Variants in MCCC1 observed in about 807,000 individuals in gnomAD.
MCCC1 encodes the protein methylcrotonyl-CoA carboxylase subunit 1.
In MCCC1, 64 loss-of-function variants were observed where a neutral mutation model predicts 83.8. The ratio of observed to expected loss-of-function variants is 0.76; its 90% CI spans 0.62 to 0.94. The LOEUF is 0.94. Ranked by LOEUF, MCCC1 falls within the 40% of genes least tolerant of loss-of-function variation. The pLI, the probability that MCCC1 is intolerant of heterozygous loss-of-function variation, is 0.00. For missense variants in MCCC1, 807 were observed against 904.7 expected (o/e 0.89, Z 1.39); for synonymous variants, 322 against 315.4 (o/e 1.02, Z -0.22).
At chr3:183,080,377 A>G (rs773029345) in intron 4 of MCCC1, among the ~76,000 whole-genome samples, 4 of 152,132 alleles carry the variant, frequency 2.6e-5, no homozygotes, top group Non-Finnish European at 5.9e-5. Context: ...AGGTCCACAA[A>G]TCTCTACAGC....
chr3:183,078,981 T>G (rs1230043615), intron 4 of MCCC1, among the ~76,000 whole-genome samples: 1 of 152,200 alleles, frequency 6.6e-6, no homozygotes, highest in Non-Finnish European at 1.5e-5. Flanking sequence ...TGAGACTCAT[T>G]CATGACCATG....
chr3:183,109,579 C>T (rs1214194880), intron 1 of MCCC1, among the ~76,000 whole-genome samples: 7 of 152,174 alleles, frequency 4.6e-5, no homozygotes, highest in Admixed American at 4.6e-4. Context: ...CTGCAAAGGA[C>T]ATGATTTCTT....
intron 4 of MCCC1, among the ~76,000 whole-genome samples, chr3:183,077,179 A>G (rs927180540): frequency 1.3e-5 from 2 of 152,190 alleles, no homozygotes; most frequent in African/African-American, 4.8e-5. Context: ...TTTGGCTACT[A>G]TAAATAATGC....
intron 12 of MCCC1, among the ~76,000 whole-genome samples, chr3:183,037,796 C>A (rs1462146857): frequency 2.6e-5 from 4 of 152,178 alleles, no homozygotes; most frequent in Non-Finnish European, 5.9e-5. Context: ...CGAAGACTTG[C>A]TGCTCAGAAC....
upstream of MCCC1, among the ~76,000 whole-genome samples, chr3:183,100,207 A>G (rs1392907946): frequency 6.6e-6 from 1 of 152,248 alleles, no homozygotes; most frequent in African/African-American, 2.4e-5. Context: ...AGCAGGGGAA[A>G]ATCACAGACA....
chr3:183,077,692 A>G (rs757933445), intron 4 of MCCC1, among the ~76,000 whole-genome samples: 1 of 152,180 alleles, frequency 6.6e-6, no homozygotes, highest in Non-Finnish European at 1.5e-5. Context: ...CCAAGGTCTC[A>G]AAGATTTTCT....
upstream of MCCC1, chr3:183,099,567 T>C (rs1719014359): frequency 1.9e-5 from 21 of 1,107,782 alleles, no homozygotes; most frequent in South Asian, 2.8e-4. Flanking sequence ...TGAGCCTACC[T>C]TTGGGCTGAT....
intron 17 of MCCC1, 187 bp from the exon 18 acceptor site, chr3:183,017,524 A>C (rs1560199963): frequency 1.7e-6 from 1 of 595,952 alleles, no homozygotes; most frequent in Non-Finnish European, 2.9e-6. Context: ...TGTGGTCCAC[A>C]GATTTGGTAT....
intron 17 of MCCC1, among the ~76,000 whole-genome samples, chr3:183,019,827 T>C (rs1457390683): frequency 6.6e-6 from 1 of 152,246 alleles, no homozygotes; most frequent in African/African-American, 2.4e-5. Context: ...CAAAACCAGC[T>C]TTTTTGAATA....
At chr3:183,033,507 C>A (rs1713254973) in intron 14 of MCCC1, among the ~76,000 whole-genome samples, 1 of 152,220 alleles carries the variant, frequency 6.6e-6, no homozygotes, top group Non-Finnish European at 1.5e-5. Flanking sequence ...TAATAAATTA[C>A]AGCTCTGCAG....
chr3:183,057,518 C>T (rs1577306530), intron 7 of MCCC1, 96 bp from the exon 8 acceptor site: 1 of 1,002,906 alleles, frequency 1.0e-6, no homozygotes, highest in Non-Finnish European at 1.5e-6. Flanking sequence ...ACCAGGATTT[C>T]TCCATTTTTA....
chr3:183,026,905 T>C (rs1390802597), intron 14 of MCCC1, among the ~76,000 whole-genome samples: 8 of 152,228 alleles, frequency 5.3e-5, no homozygotes, highest in African/African-American at 1.9e-4. Flanking sequence ...TATATACACC[T>C]AATAAATGAT....
chr3:183,028,209 G>A (rs1402230637), intron 14 of MCCC1, among the ~76,000 whole-genome samples: 1 of 152,172 alleles, frequency 6.6e-6, no homozygotes, highest in African/African-American at 2.4e-5. Context: ...AACAAAGCCT[G>A]GATGACAGCA....
intron 10 of MCCC1, among the ~76,000 whole-genome samples, chr3:183,044,906 T>TTTGTTGTTGTTG (rs59572956): frequency 6.0e-5 from 9 of 150,632 alleles, no homozygotes; most frequent in African/African-American, 9.8e-5. Flanking sequence ...TCAAGACTGT[T>TTTGTTGTTGTTG]TTGTTGTTGT....
At chr3:183,070,930 A>C (rs1716621489) in intron 7 of MCCC1, 69 bp downstream of exon 7, 1 of 1,493,228 alleles carries the variant, frequency 6.7e-7, no homozygotes, top group African/African-American at 1.4e-5. Context: ...TATATTTTAT[A>C]GAATGTGCAT....
rs1374591938 is a variant in MCCC1, at chr3:183,094,659, G to A, written c.90-54C>T. 1.9e-6 allele frequency: 3 copies of A among 1,544,946 alleles called. No individual in the cohort carries two copies. In the African/African-American group the frequency reaches 4.1e-5, roughly 21 times the overall value. On this transcript the variant is annotated intron_variant, in intron 1 of 18. Coordinates refer to ENST00000265594, the MANE Select transcript of MCCC1 (RefSeq NM_020166.5). ...ATTAAACAGAATAGGCAACACAATT[G>A]TTCTTTCAAAAGAATTTCAGTTTCT... is the stretch of plus-strand genomic sequence containing the variant.
chr3:183,104,179 T>C (rs1485686038), upstream of MCCC1, among the ~76,000 whole-genome samples: 4 of 152,154 alleles, frequency 2.6e-5, no homozygotes, highest in Non-Finnish European at 5.9e-5. Context: ...TTGGCCAGCC[T>C]AGAAAGGGGC....
intron 8 of MCCC1, among the ~76,000 whole-genome samples, chr3:183,053,713 G>A (rs566630471): frequency 2.0e-5 from 3 of 149,352 alleles, no homozygotes; most frequent in East Asian, 4.1e-4. Flanking sequence ...GCTGAGGCAG[G>A]AGAATGGCGT....
intron 9 of MCCC1, among the ~76,000 whole-genome samples, chr3:183,049,838 G>A (rs187185730): frequency 3.1e-4 from 47 of 152,346 alleles, no homozygotes; most frequent in Non-Finnish European, 2.1e-4. Flanking sequence ...AGAACCTAGG[G>A]CCAGGTGCAG....
Sources: gnomAD v4.1 joint callset for allele counts (sites outside exome capture counted in the v4.1 genomes callset) on GRCh38, gnomAD v4.1.1 for gene constraint, MANE v1.5 for transcripts, NCBI Gene and HGNC (gene_info 2026-07-23, HGNC 2026-07-21) for gene names.